AKAP7: variants seen among roughly 807,000 people sequenced by gnomAD.
The protein encoded by AKAP7 is A-kinase anchoring protein 7, also known as A kinase (PRKA) anchor protein 7.
A neutral mutation model predicts 39.5 loss-of-function variants in AKAP7; 39 were observed. The ratio of observed to expected loss-of-function variants is 0.99; its 90% CI spans 0.76 to 1.29. The LOEUF (loss-of-function observed/expected upper bound fraction) is 1.29, where lower values mean the gene tolerates loss of function less well. Ranked by LOEUF, AKAP7 falls within the 50% of genes most tolerant of loss-of-function variation. The pLI is 0.00. For synonymous variants in AKAP7, 140 were observed against 139.1 expected (o/e 1.01, Z -0.05); for missense variants, 414 against 407.7 (o/e 1.02, Z -0.13).
intron 1 of AKAP7, among the ~76,000 whole-genome samples, chr6:131,136,623 C>G (rs911293453): frequency 1.3e-5 from 2 of 152,220 alleles, no homozygotes; most frequent in African/African-American, 4.8e-5. Context: ...ATTCAGGATC[C>G]TGTTAGCATA....
rs572499828 is a variant in AKAP7, at chr6:131,173,783, T to C, written c.589+4510T>C. Among the ~76,000 whole-genome samples, 21 of 152,316 alleles carry C rather than the reference T, an allele frequency of 1.4e-4. No individual in the cohort carries two copies. In the South Asian group the frequency reaches 4.3e-3, roughly 32 times the overall value. ...GAAAAAATGCTAGACTTAGAGCTTT[T>C]CTTTGGTAATATAAATATCTCTGCA... On this transcript the variant is annotated intron_variant, in intron 5 of 7. Coordinates refer to ENST00000431975, the MANE Select transcript of AKAP7 (RefSeq NM_016377.4).
intron 1 of AKAP7, among the ~76,000 whole-genome samples, chr6:131,140,002 A>C (rs918277541): frequency 6.6e-6 from 1 of 152,234 alleles, no homozygotes; most frequent in African/African-American, 2.4e-5. Context: ...GCGATCTGCA[A>C]GGTTTTCCCT....
rs1289548463 is a variant in AKAP7 at position 131,183,681 on chromosome 6, G to A, written c.589+14408G>A. On this transcript the variant is annotated intron_variant, in intron 5 of 7. Coordinates refer to ENST00000431975, the MANE Select transcript of AKAP7 (RefSeq NM_016377.4). ...GCCTGGAGAGCACTGGGAAGCACAAGGTGAAGCTGCTGCTCCCCCTGGGGT... is the reference window on the plus strand; with the variant it reads ...GCCTGGAGAGCACTGGGAAGCACAAAGTGAAGCTGCTGCTCCCCCTGGGGT... Among the ~76,000 whole-genome samples the A allele has an allele frequency of 1.3e-5, 2 of 152,162 alleles. 1 individual carries two copies. The highest frequency in any genetic ancestry group is 4.1e-4 in the South Asian group (2 of 4,822).
At chr6:131,131,541 C>T (rs1238733024), upstream of AKAP7, among the ~76,000 whole-genome samples, 2 of 147,170 alleles carry the variant, frequency 1.4e-5, no homozygotes, top group Non-Finnish European at 3.0e-5. Flanking sequence ...CTTAATGGAT[C>T]TGGATGCTTA....
chr6:131,196,500 G>A (rs1349581188), intron 5 of AKAP7, among the ~76,000 whole-genome samples: 1 of 152,046 alleles, frequency 6.6e-6, no homozygotes, highest in African/African-American at 2.4e-5. Flanking sequence ...CTGACCTCAG[G>A]TGATCCTCCC....
chr6:131,203,190 C>T (rs1183758855), intron 6 of AKAP7, among the ~76,000 whole-genome samples: 1 of 152,166 alleles, frequency 6.6e-6, no homozygotes, highest in African/African-American at 2.4e-5. Flanking sequence ...ATTTACTTTA[C>T]TATAATTCGT....
At position 131,281,366 on chromosome 6, in the gene AKAP7, C is replaced by T. The variant is rs149977375; in HGVS notation, c.851-164C>T. Among the ~76,000 whole-genome samples the T allele has an allele frequency of 1.4e-4, 22 of 152,310 alleles. No individual in the cohort carries two copies. Among genetic ancestry groups the T allele is most frequent in the African/African-American group, 5.3e-4 (22 of 41,564 alleles). On this transcript the variant is annotated intron_variant, in intron 7 of 7. Transcript: ENST00000431975. This position sits in a 1 kb window ranked among gnomAD's most constrained non-coding sequence, Gnocchi z 4.0. ...TGAAGCCTTCAGGAATAGACAGGCT[C>T]CTGCTTCTGCAAATACCAAATGAAA...
At chr6:131,194,532 T>C (rs1464831490) in intron 5 of AKAP7, among the ~76,000 whole-genome samples, 1 of 152,172 alleles carries the variant, frequency 6.6e-6, no homozygotes, top group African/African-American at 2.4e-5. Context: ...TCTGTAAATA[T>C]CTATTAGGTC....
chr6:131,138,032 A>G (rs1269424592), intron 1 of AKAP7, among the ~76,000 whole-genome samples: 1 of 152,124 alleles, frequency 6.6e-6, no homozygotes, highest in African/African-American at 2.4e-5. Context: ...TGTCGCGAGC[A>G]TGCTTCGTTT....
In AKAP7 at chr6:131,159,990, G is replaced by GTT. The variant is rs34446309; in HGVS notation, c.152-61_152-60dup. 2.8e-3 allele frequency: 3,650 copies of GTT among 1,292,838 alleles called. 1 individual carries two copies. Among genetic ancestry groups the GTT allele is most frequent in the Non-Finnish European group, 3.2e-3 (3,070 of 956,862 alleles). The allele number at this position is 1,292,838 out of a possible 1,614,324, so 80.1% of individuals were successfully genotyped here. ...AATGATTGCTACTTATATATTGCTT[G>GTT]TTTTTTTTTCTGACTGTATTATCTT... On this transcript the variant is annotated intron_variant, in intron 2 of 7. Transcript: ENST00000431975.
intron 7 of AKAP7, among the ~76,000 whole-genome samples, chr6:131,274,417 A>G (rs1814572144): frequency 6.6e-6 from 1 of 151,580 alleles, no homozygotes; most frequent in African/African-American, 2.4e-5. Context: ...TTCCTATTCA[A>G]CTCTTGTTGT....
intron 7 of AKAP7, among the ~76,000 whole-genome samples, chr6:131,273,488 T>G (rs28841032): frequency 0.037 from 5,628 of 152,268 alleles, 282 homozygotes; most frequent in East Asian, 0.18. Flanking sequence ...CTGTGCCTCT[T>G]TTTGTTTTTA....
intron 7 of AKAP7, among the ~76,000 whole-genome samples, chr6:131,262,308 C>T (rs746851147): frequency 2.0e-5 from 3 of 152,064 alleles, no homozygotes; most frequent in Admixed American, 6.6e-5. Flanking sequence ...GCAGATCCAG[C>T]GGGCAAAGGA....
In AKAP7 at chr6:131,169,121, A is replaced by T. The variant is rs1229714261; in HGVS notation, c.437A>T (p.Asp146Val). 1.2e-6 allele frequency: 2 copies of T among 1,609,648 alleles called. No homozygotes were observed. Among genetic ancestry groups the T allele is most frequent in the East Asian group, 2.2e-5 (1 of 44,802 alleles). ...LNEDEVNIGIDALLELKPFIE... is the reference protein window; with the variant it reads ...LNEDEVNIGIVALLELKPFIE... ...GTATTATTTCTTACTAGTGGTATTG[A>T]TGCTCTTTTGGAATTGAAACCATTC... The change falls in exon 5 of 8, where the codon GAT becomes GTT. Residue 146 changes from aspartate to valine, a missense_variant. Asp to Val is a radical substitution (Grantham distance 152, BLOSUM62 -3). Coordinates refer to ENST00000431975, the MANE Select transcript of AKAP7 (RefSeq NM_016377.4).
intron 5 of AKAP7, among the ~76,000 whole-genome samples, chr6:131,169,960 TCTTTG>T (rs2128245018): frequency 6.6e-6 from 1 of 152,106 alleles, no homozygotes; most frequent in South Asian, 2.1e-4. Context: ...TATTATTCCT[TCTTTG>T]CTTTTCTTTC....
chr6:131,136,295 T>C (rs1365859727), intron 1 of AKAP7, among the ~76,000 whole-genome samples: 1 of 152,194 alleles, frequency 6.6e-6, no homozygotes, highest in African/African-American at 2.4e-5. Flanking sequence ...ATTTCCAGTT[T>C]AGGTCAGCGT....
At chr6:131,249,467 G>GTGTT (rs1210678879) in intron 7 of AKAP7, among the ~76,000 whole-genome samples, 1 of 152,250 alleles carries the variant, frequency 6.6e-6, no homozygotes, top group Non-Finnish European at 1.5e-5. Context: ...ACCACTTGAG[G>GTGTT]TGTTCAGCAT....
chr6:131,184,567 G>A lies in AKAP7; in HGVS notation c.590-14894G>A, dbSNP rs1805628310. The A allele has an allele frequency of 8.3e-6, 6 of 726,364 alleles. No homozygotes were observed. In the South Asian group the frequency reaches 9.0e-5, roughly 11 times the overall value. The allele number at this position is 726,364 out of a possible 1,614,324, so 45.0% of individuals were successfully genotyped here. Reference sequence around the variant, plus strand: ...ATGTCTTCACTGCCCCATCATCATGGGGGTGAAATGGAGGCAAGATGGATG... The same window carrying A: ...ATGTCTTCACTGCCCCATCATCATGAGGGTGAAATGGAGGCAAGATGGATG... On this transcript the variant is annotated intron_variant, in intron 5 of 7. Coordinates refer to ENST00000431975, the MANE Select transcript of AKAP7 (RefSeq NM_016377.4).
chr6:131,244,425 G>T (rs1811840723), intron 7 of AKAP7, among the ~76,000 whole-genome samples: 1 of 152,206 alleles, frequency 6.6e-6, no homozygotes, highest in African/African-American at 2.4e-5. Flanking sequence ...TGATAGCAGG[G>T]TATGCTGTAA....
Sources: allele counts gnomAD v4.1 joint callset (sites outside exome capture counted in the v4.1 genomes callset), GRCh38; gene constraint gnomAD v4.1.1; non-coding constraint Gnocchi (gnomAD v3.1); transcripts MANE v1.5; gene names NCBI Gene and HGNC (gene_info 2026-07-23, HGNC 2026-07-21).